The following LYRM4 variants were observed in gnomAD, a reference collection of about 807,000 sequenced individuals.
The protein encoded by LYRM4 is LYR motif-containing protein 4.
Under a neutral mutation model 11.7 loss-of-function variants are expected in LYRM4, and 9 were observed. The ratio of observed to expected loss-of-function variants is 0.77; its 90% CI spans 0.46 to 1.34. The LOEUF (loss-of-function observed/expected upper bound fraction) is 1.34. Among genes scored for constraint, LYRM4 ranks in the 40% most tolerant of loss-of-function variants. The pLI is 0.00. For missense variants in LYRM4, 133 were observed against 112.5 expected, an observed-to-expected ratio of 1.18 and a Z score of -0.82; for synonymous variants, 42 against 40.4, an observed-to-expected ratio of 1.04 and a Z score of -0.15.
chr6:5,085,925 A>T, the LYRM4 span: 29 of 1,528,252 alleles, frequency 1.9e-5, no homozygotes, highest in Non-Finnish European at 2.5e-5. Context: ...AGCGTGAAGC[A>T]CTTCAGCGAG....
Position 5,108,902 on chromosome 6 carries a change from T to G in LYRM4, c.*521A>C, listed in dbSNP as rs1762754560. 5.0e-6 allele frequency: 5 copies of G among 993,126 alleles called. No homozygotes were observed. The highest frequency in any genetic ancestry group is 6.0e-6 in the Non-Finnish European group (5 of 833,884). 61.5% of individuals were successfully genotyped at this position (993,126 alleles called of 1,614,324 possible). ...ACCGTGTATCCCCGTAGCCCTGCCC[T>G]ACTCCATGCTGCCCCCAGTCTCAAG... On this transcript the variant is annotated 3_prime_UTR_variant, in exon 3 of 3. Transcript: ENST00000330636.
chr6:5,232,513 A>C (rs1581564794), intron 1 of LYRM4, among the ~76,000 whole-genome samples: 1 of 152,234 alleles, frequency 6.6e-6, no homozygotes, highest in Non-Finnish European at 1.5e-5. Context: ...AATTTGCTGC[A>C]CTGGTAATAA....
chr6:5,060,621 G>A, the LYRM4 span, among the ~76,000 whole-genome samples: 54 of 151,950 alleles, frequency 3.6e-4, no homozygotes, highest in African/African-American at 1.2e-3. Context: ...TCTGCCTCTC[G>A]GGTTCAAGTT....
chr6:5,074,035 G>A, the LYRM4 span, among the ~76,000 whole-genome samples: 5,028 of 152,190 alleles, frequency 0.033, 137 homozygotes, highest in African/African-American at 0.077. Flanking sequence ...CGTGGCTGCA[G>A]GTTACCTCTA....
intron 2 of LYRM4, among the ~76,000 whole-genome samples, chr6:5,171,651 C>T (rs1386466545): frequency 6.6e-6 from 1 of 152,172 alleles, no homozygotes; most frequent in East Asian, 1.9e-4. Flanking sequence ...TTTGCTGGTG[C>T]TTGTTAACCA....
At chr6:5,222,699 A>C (rs1237799301) in intron 1 of LYRM4, among the ~76,000 whole-genome samples, 1 of 152,038 alleles carries the variant, frequency 6.6e-6, no homozygotes, top group African/African-American at 2.4e-5. Context: ...ATGACTATTA[A>C]AGTAAATTAA....
chr6:5,230,431 C>T (rs1337846995), intron 1 of LYRM4, among the ~76,000 whole-genome samples: 3 of 152,070 alleles, frequency 2.0e-5, no homozygotes, highest in Non-Finnish European at 4.4e-5. Context: ...TCTTTTTTCC[C>T]CCCACCTATC....
At chr6:5,080,722 C>T in the LYRM4 span, among the ~76,000 whole-genome samples, 7 of 152,110 alleles carry the variant, frequency 4.6e-5, no homozygotes, top group Admixed American at 1.3e-4. Flanking sequence ...CTATGGAATC[C>T]GACTACAGGG....
At chr6:5,079,717 T>C in the LYRM4 span, among the ~76,000 whole-genome samples, 1 of 152,226 alleles carries the variant, frequency 6.6e-6, no homozygotes, top group Non-Finnish European at 1.5e-5. Flanking sequence ...CTTCTCCTTA[T>C]ACCATTAAAC....
At chr6:5,140,281 A>G (rs1757334300) in intron 2 of LYRM4, among the ~76,000 whole-genome samples, 1 of 151,978 alleles carries the variant, frequency 6.6e-6, no homozygotes, top group Non-Finnish European at 1.5e-5. Flanking sequence ...CTGTGAGCCT[A>G]TTCTGGTTCA....
downstream of LYRM4, among the ~76,000 whole-genome samples, chr6:5,099,470 C>G (rs931221296): frequency 6.6e-6 from 1 of 151,944 alleles, no homozygotes; most frequent in African/African-American, 2.4e-5. This position sits in a 1 kb window ranked among gnomAD's most constrained non-coding sequence, Gnocchi z 4.3. Flanking sequence ...CCAAGCTGAT[C>G]TTGAATTACT....
intron 2 of LYRM4, among the ~76,000 whole-genome samples, chr6:5,179,065 C>CAAAACAAAAACAAA (rs1561851701): frequency 1.9e-5 from 2 of 103,904 alleles, no homozygotes; most frequent in African/African-American, 8.0e-5. Flanking sequence ...ACCAAAAAAA[C>CAAAACAAAAACAAA]AAAAAAAAAA....
the LYRM4 span, among the ~76,000 whole-genome samples, chr6:5,057,524 C>T: frequency 2.6e-5 from 4 of 151,942 alleles, no homozygotes; most frequent in Non-Finnish European, 5.9e-5. Context: ...CGAGACCAGC[C>T]TGGCCAAGAT....
At chr6:5,191,352 AG>A (rs1760741828) in intron 2 of LYRM4, among the ~76,000 whole-genome samples, 1 of 152,234 alleles carries the variant, frequency 6.6e-6, no homozygotes, top group South Asian at 2.1e-4. Flanking sequence ...CAGGCAGCTC[AG>A]GGAAGCAATC....
the LYRM4 span, chr6:5,066,932 C>T: frequency 8.9e-7 from 1 of 1,119,112 alleles, no homozygotes; most frequent in East Asian, 2.6e-5. Flanking sequence ...CAGCGCCCCC[C>T]AAGGCGGAGA....
intron 2 of LYRM4, among the ~76,000 whole-genome samples, chr6:5,145,823 C>T (rs1757690372): frequency 1.3e-5 from 2 of 152,136 alleles, no homozygotes; most frequent in South Asian, 4.1e-4. Context: ...AGGTGGGCTC[C>T]TAACTCAAGC....
intron 1 of LYRM4, among the ~76,000 whole-genome samples, chr6:5,242,213 C>T (rs1277004688): frequency 6.6e-6 from 1 of 151,798 alleles, no homozygotes; most frequent in Non-Finnish European, 1.5e-5. Context: ...ACTAGGACTA[C>T]AGGCACGTGC....
At chr6:5,187,463 A>G (rs918756618) in intron 2 of LYRM4, among the ~76,000 whole-genome samples, 10 of 152,256 alleles carry the variant, frequency 6.6e-5, no homozygotes, top group Admixed American at 6.5e-4. Flanking sequence ...GTATTTGACC[A>G]TTAAAAATAA....
chr6:5,051,844 C>T, the LYRM4 span, among the ~76,000 whole-genome samples: 728 of 152,082 alleles, frequency 4.8e-3, 8 homozygotes, highest in African/African-American at 0.016. Context: ...GAAGGGGAGC[C>T]GGGAAGTGCA....
Sources: allele counts gnomAD v4.1 joint callset (sites outside exome capture counted in the v4.1 genomes callset), GRCh38; gene constraint gnomAD v4.1.1; non-coding constraint Gnocchi (gnomAD v3.1); transcripts MANE v1.5; gene names NCBI Gene and HGNC (gene_info 2026-07-23, HGNC 2026-07-21).